Variants in FBLN1 observed in about 807,000 individuals in gnomAD.
FBLN1 encodes the protein fibulin-1.
FBLN1 carries 34 observed loss-of-function variants against 89.7 expected under a neutral mutation model. The observed-to-expected ratio is 0.38, with a 90% CI of 0.29 to 0.50. FBLN1 has a LOEUF of 0.50. Ranked by LOEUF, FBLN1 falls within the 20% of genes least tolerant of loss-of-function variation. The probability of loss-of-function intolerance (pLI) is 0.92; values close to 1 mark genes in which losing one functional copy is unlikely to be tolerated. For synonymous variants in FBLN1, 393 were observed against 391.3 expected, an observed-to-expected ratio of 1.00 and a Z score of -0.05; for missense variants, 777 against 988.1, an observed-to-expected ratio of 0.79 and a Z score of 2.86.
In FBLN1 at chr22:45,564,784, G is replaced by T. The variant is rs1468121859; in HGVS notation, c.1698-9727G>T. On this transcript the variant is annotated intron_variant, in intron 14 of 16. Transcript: ENST00000327858. ...GCAAGACATCTCGCGTGCAGAAGGTGCTCTGTCAATGTCTGTTCAGGGAAC... is the reference window on the plus strand; with the variant it reads ...GCAAGACATCTCGCGTGCAGAAGGTTCTCTGTCAATGTCTGTTCAGGGAAC... The T allele has an allele frequency of 7.0e-6, 10 of 1,435,734 alleles. No individual in the cohort carries two copies. The African/African-American group carries it at 1.4e-4, about 20-fold the overall frequency. 88.9% of individuals were successfully genotyped at this position (1,435,734 alleles called of 1,614,324 possible).
chr22:45,509,083 TG>T (rs1378746732), intron 1 of FBLN1, among the ~76,000 whole-genome samples: 1 of 152,180 alleles, frequency 6.6e-6, no homozygotes, highest in Non-Finnish European at 1.5e-5. Context: ...GCAAGCGTCC[TG>T]GGACCCTCCA....
In FBLN1 at chr22:45,556,563, A is replaced by T. The variant is rs996641459; in HGVS notation, c.1697+5948A>T. 1.2e-4 allele frequency among the ~76,000 whole-genome samples: 19 copies of T among 152,068 alleles called. No homozygotes were observed. Among genetic ancestry groups the T allele is most frequent in the African/African-American group, 4.6e-4 (19 of 41,396 alleles). On this transcript the variant is annotated intron_variant, in intron 14 of 16. Coordinates refer to ENST00000327858, the MANE Select transcript of FBLN1 (RefSeq NM_006486.3). The surrounding 1 kb of genome is among the most constrained non-coding windows in gnomAD (Gnocchi z 4.6). The stretch of plus-strand genomic sequence containing the variant: ...TTCCCATTGACCTTAATCACAGGGC[A>T]TGGTAATACTGAGAGATGCCCTAAT...
intron 2 of FBLN1, among the ~76,000 whole-genome samples, chr22:45,519,981 C>G (rs1476086058): frequency 1.3e-5 from 2 of 152,138 alleles, no homozygotes; most frequent in Non-Finnish European, 2.9e-5. Context: ...ACCAGCCTGA[C>G]CAACGTGGTG....
rs1036235585 is a variant in FBLN1 at position 45,579,521 on chromosome 22, G to C, written c.1972+2413G>C. ...TTGGAATTCTGGGCTGGGGCTGCGT[G>C]GGGGAGGGCCCCAGCCTGGCCCTTG... On this transcript the variant is annotated intron_variant, in intron 16 of 16. Transcript: ENST00000327858. The surrounding 1 kb of genome is among the most constrained non-coding windows in gnomAD (Gnocchi z 5.5). Among the ~76,000 whole-genome samples, 6 of 152,226 alleles carry C rather than the reference G, an allele frequency of 3.9e-5. No individual in the cohort carries two copies. The highest frequency in any genetic ancestry group is 5.9e-5 in the Non-Finnish European group (4 of 68,038).
rs1487840432 is a variant in FBLN1, at chr22:45,530,447, C to T, written c.485-818C>T. Reference sequence around the variant, plus strand: ...TCTTCACAGCCGCACCTTCCTCCCACTGCTACCAGTGCCATGGACCCACTG... The same window carrying T: ...TCTTCACAGCCGCACCTTCCTCCCATTGCTACCAGTGCCATGGACCCACTG... On this transcript the variant is annotated intron_variant, in intron 4 of 16. Transcript: ENST00000327858. The surrounding 1 kb of genome is among the most constrained non-coding windows in gnomAD (Gnocchi z 5.4). 6.6e-6 allele frequency among the ~76,000 whole-genome samples: 1 copy of T among 152,202 alleles called. No individual in the cohort carries two copies. Among genetic ancestry groups the T allele is most frequent in the African/African-American group, 2.4e-5 (1 of 41,446 alleles).
chr22:45,565,080 C>T, intron 14 of FBLN1: 1 of 1,598,834 alleles, frequency 6.3e-7, no homozygotes, highest in African/African-American at 1.3e-5. Flanking sequence ...GCCCTTTTCC[C>T]CACGGCCCTT....
intron 1 of FBLN1, among the ~76,000 whole-genome samples, chr22:45,506,805 A>G (rs2088027303): frequency 6.6e-6 from 1 of 152,086 alleles, no homozygotes; most frequent in African/African-American, 2.4e-5. Context: ...ACCTGGTGAG[A>G]CTTTAAGCCC....
chr22:45,521,644 C>G (rs553789216), intron 2 of FBLN1, among the ~76,000 whole-genome samples: 1 of 152,190 alleles, frequency 6.6e-6, no homozygotes, highest in Non-Finnish European at 1.5e-5. Flanking sequence ...CACAGTGAGA[C>G]GGAGCCCACA....
At chr22:45,585,249 G>A (rs549164592) in intron 16 of FBLN1, among the ~76,000 whole-genome samples, 291 of 152,296 alleles carry the variant, frequency 1.9e-3, no homozygotes, top group African/African-American at 6.7e-3. Context: ...CAGCAGCCCC[G>A]GTACAAGGGC....
At chr22:45,543,784 G>T (rs1214690693) in intron 11 of FBLN1, among the ~76,000 whole-genome samples, 2 of 152,348 alleles carry the variant, frequency 1.3e-5, no homozygotes, top group Non-Finnish European at 2.9e-5. Context: ...GATGTGGCTA[G>T]GATTATGGGG....
At position 45,557,406 on chromosome 22, in the gene FBLN1, C is replaced by T. The variant is rs932444338; in HGVS notation, c.1697+6791C>T. Among the ~76,000 whole-genome samples the T allele has an allele frequency of 1.9e-4, 29 of 152,136 alleles. No individual in the cohort carries two copies. The highest frequency in any genetic ancestry group is 8.5e-4 in the Admixed American group (13 of 15,280). Reference sequence around the variant, plus strand: ...CCACCAGGTAGCTGGCTGATCACCCCGAGGCATGGTGCCACATCGAGGGCT... The same window carrying T: ...CCACCAGGTAGCTGGCTGATCACCCTGAGGCATGGTGCCACATCGAGGGCT... On this transcript the variant is annotated intron_variant, in intron 14 of 16. Coordinates refer to ENST00000327858, the MANE Select transcript of FBLN1 (RefSeq NM_006486.3). This position sits in a 1 kb window ranked among gnomAD's most constrained non-coding sequence, Gnocchi z 4.9.
Position 45,577,552 on chromosome 22 carries a change from C to T in FBLN1, c.1972+444C>T, listed in dbSNP as rs1427496876. 6.6e-6 allele frequency among the ~76,000 whole-genome samples: 1 copy of T among 152,226 alleles called. No homozygotes were observed. The highest frequency in any genetic ancestry group is 6.5e-5 in the Admixed American group (1 of 15,280). ...CAAAGTAGGAATCAGAGGGCCTGAG[C>T]TCTGGTCTCTCAGCCTTGGAACTAG... On this transcript the variant is annotated intron_variant, in intron 16 of 16. Coordinates refer to ENST00000327858, the MANE Select transcript of FBLN1 (RefSeq NM_006486.3). The surrounding 1 kb of genome is among the most constrained non-coding windows in gnomAD (Gnocchi z 6.6).
At position 45,575,400 on chromosome 22, in the gene FBLN1, G is replaced by A. The variant is rs918562736; in HGVS notation, c.1840+747G>A. On this transcript the variant is annotated intron_variant, in intron 15 of 16. Coordinates refer to ENST00000327858, the MANE Select transcript of FBLN1 (RefSeq NM_006486.3). This position sits in a 1 kb window ranked among gnomAD's most constrained non-coding sequence, Gnocchi z 6.3. ...ATGGGGGGGCGGTGTGGGCGTTTGA[G>A]AAACTGAGCCAAGGTTTTCTGCTGG... Among the ~76,000 whole-genome samples the A allele has an allele frequency of 6.6e-6, 1 of 152,086 alleles. No individual in the cohort carries two copies. The highest frequency in any genetic ancestry group is 6.5e-5 in the Admixed American group (1 of 15,272).
At position 45,525,648 on chromosome 22, in the gene FBLN1, C is replaced by T; in HGVS notation, c.291C>T (p.Asp97=). 1 of 1,551,364 alleles carries T rather than the reference C, an allele frequency of 6.4e-7. No homozygotes were observed. Among genetic ancestry groups the T allele is most frequent in the Non-Finnish European group, 8.7e-7 (1 of 1,146,998 alleles). ...ACCGCTGTGCCACGCCCCACGGTGACAACGCCAGCCTGGAGGCCACATTTG... is the reference window on the plus strand; with the variant it reads ...ACCGCTGTGCCACGCCCCACGGTGATAACGCCAGCCTGGAGGCCACATTTG... ...EQDRCATPHG[D]NASLEATFVK... Residue 97 remains aspartate (D), a synonymous_variant, in exon 3 of 17, where the codon GAC becomes GAT. Coordinates refer to ENST00000327858, the MANE Select transcript of FBLN1 (RefSeq NM_006486.3).
intron 14 of FBLN1, chr22:45,558,045 G>A (rs1286608745): frequency 1.3e-5 from 9 of 715,848 alleles, no homozygotes; most frequent in Non-Finnish European, 2.1e-5. Flanking sequence ...TGTGAACCAG[G>A]CCCTAGTCTT....
intron 8 of FBLN1, among the ~76,000 whole-genome samples, chr22:45,538,549 TTA>T (rs1192269853): frequency 1.3e-5 from 2 of 152,140 alleles, no homozygotes; most frequent in Admixed American, 1.3e-4. Flanking sequence ...GTCAGCACCT[TTA>T]TGTTATCTTT....
chr22:45,571,129 AAAAAAAAG>A (rs1466835971), intron 14 of FBLN1, among the ~76,000 whole-genome samples: 10 of 150,520 alleles, frequency 6.6e-5, no homozygotes, highest in East Asian at 1.9e-4. Context: ...AAAAAAAAAA[AAAAAAAAG>A]AAAGAAAGAA....
chr22:45,581,778 C>A lies in FBLN1; in HGVS notation c.1972+4670C>A, dbSNP rs1336365606. On this transcript the variant is annotated intron_variant, in intron 16 of 16. Coordinates refer to ENST00000327858, the MANE Select transcript of FBLN1 (RefSeq NM_006486.3). This position sits in a 1 kb window ranked among gnomAD's most constrained non-coding sequence, Gnocchi z 7.6. ...AGGGGTGAGCCAGACAAGTGGGACACCCAAACTCACAGCCACGTCTGTGGC... is the reference window on the plus strand; with the variant it reads ...AGGGGTGAGCCAGACAAGTGGGACAACCAAACTCACAGCCACGTCTGTGGC... 1.3e-5 allele frequency among the ~76,000 whole-genome samples: 2 copies of A among 152,046 alleles called. No homozygotes were observed. Among genetic ancestry groups the A allele is most frequent in the Non-Finnish European group, 2.9e-5 (2 of 68,014 alleles).
chr22:45,523,710 A>C (rs1464105776), intron 2 of FBLN1, among the ~76,000 whole-genome samples: 1 of 152,192 alleles, frequency 6.6e-6, no homozygotes, highest in African/African-American at 2.4e-5. Flanking sequence ...TCTCAAAAAC[A>C]AAACAAAACA....
Sources: gnomAD v4.1 joint callset for allele counts (sites outside exome capture counted in the v4.1 genomes callset) on GRCh38, gnomAD v4.1.1 for gene constraint, Gnocchi (gnomAD v3.1) non-coding constraint, MANE v1.5 for transcripts, NCBI Gene and HGNC (gene_info 2026-07-23, HGNC 2026-07-21) for gene names.